Variants in FARP1 observed in about 807,000 individuals in gnomAD.
FARP1 encodes the protein FERM, ARHGEF and pleckstrin domain-containing protein 1.
A neutral mutation model predicts 128.8 loss-of-function variants in FARP1; 52 were observed. The observed-to-expected ratio is 0.40, with a 90% CI of 0.32 to 0.51. The LOEUF is 0.51. Among genes scored for constraint, FARP1 ranks in the 20% least tolerant of loss-of-function variants. The probability of loss-of-function intolerance (pLI) is 0.45; values close to 1 mark genes in which losing one functional copy is unlikely to be tolerated. For missense variants in FARP1, 1,333 were observed against 1,367.9 expected (o/e 0.97, Z 0.40); for synonymous variants, 580 against 551.8 (o/e 1.05, Z -0.72).
chr13:98,318,007 C>T (rs1382050647), intron 2 of FARP1, among the ~76,000 whole-genome samples: 1 of 149,378 alleles, frequency 6.7e-6, no homozygotes, highest in Non-Finnish European at 1.5e-5. Context: ...TCCTCCTCCT[C>T]CCTCTTCATC....
At chr13:98,264,387 G>A (rs1884006401) in intron 2 of FARP1, among the ~76,000 whole-genome samples, 1 of 152,166 alleles carries the variant, frequency 6.6e-6, no homozygotes, top group Non-Finnish European at 1.5e-5. Context: ...ATCTCACTTC[G>A]TCCCGCCAGG....
chr13:98,445,637 G>A (rs189159886), intron 24 of FARP1: 163 of 154,168 alleles, frequency 1.1e-3, no homozygotes, highest in Non-Finnish European at 1.9e-3. Flanking sequence ...TTCAGCTTCC[G>A]CCTGCTGGCA....
intron 2 of FARP1, among the ~76,000 whole-genome samples, chr13:98,330,928 G>A (rs1887482095): frequency 6.6e-6 from 1 of 152,170 alleles, no homozygotes; most frequent in South Asian, 2.1e-4. Flanking sequence ...CAGAGGACAT[G>A]AGTGCTTAGA....
intron 3 of FARP1, among the ~76,000 whole-genome samples, chr13:98,350,875 A>G (rs868357015): frequency 4.6e-5 from 7 of 151,526 alleles, no homozygotes; most frequent in Admixed American, 3.3e-4. Context: ...TGGTTCTGAC[A>G]CTCCAGGAGG....
intron 3 of FARP1, among the ~76,000 whole-genome samples, chr13:98,348,991 G>A (rs563074378): frequency 1.3e-5 from 2 of 152,202 alleles, no homozygotes; most frequent in African/African-American, 4.8e-5. Context: ...TCTGTATGTC[G>A]CATGTGGCTG....
Position 98,416,212 on chromosome 13 carries a change from C to T in FARP1, c.1826+4178C>T, listed in dbSNP as rs150272902. Among the ~76,000 whole-genome samples, 1,284 of 152,246 alleles carry T rather than the reference C, an allele frequency of 8.4e-3. 7 individuals carry two copies. Among genetic ancestry groups the T allele is most frequent in the Middle Eastern group, 0.031 (9 of 294 alleles). ...TTGGTATGTTACATTAACTAAAGTC[C>T]AGATTTTATTCCATGGTAATATTTT... On this transcript the variant is annotated intron_variant, in intron 16 of 26. Coordinates refer to ENST00000319562, the MANE Select transcript of FARP1 (RefSeq NM_005766.4).
At chr13:98,395,176 A>G in intron 12 of FARP1, 51 bp from the exon 13 acceptor site, 2 of 1,530,924 alleles carry the variant, frequency 1.3e-6, no homozygotes, top group Non-Finnish European at 8.8e-7. Context: ...CCTTGGAATA[A>G]CAGTCTCCCT....
At chr13:98,407,516 G>A (rs747452092) in intron 13 of FARP1, 8 of 152,060 alleles carry the variant, frequency 5.3e-5, no homozygotes, top group Admixed American at 1.3e-4. Flanking sequence ...TTTCTCCGGG[G>A]TTTTCTGGGT....
At chr13:98,366,897 C>T (rs1889109699) in intron 4 of FARP1, among the ~76,000 whole-genome samples, 1 of 151,816 alleles carries the variant, frequency 6.6e-6, no homozygotes, top group African/African-American at 2.4e-5. Context: ...TTTTTTTAAA[C>T]TTGAATATGT....
chr13:98,209,853 A>T (rs1480611476), intron 1 of FARP1, among the ~76,000 whole-genome samples: 1 of 133,958 alleles, frequency 7.5e-6, no homozygotes. Flanking sequence ...GTGGTGGTGC[A>T]CGCCTGTAAT....
intron 23 of FARP1, 50 bp downstream of exon 23, chr13:98,440,285 G>T (rs780518756): frequency 2.2e-6 from 3 of 1,375,988 alleles, no homozygotes; most frequent in Non-Finnish European, 3.1e-6. Context: ...GTTCATGGAG[G>T]GACAGCATTT....
chr13:98,435,637 G>T lies in FARP1; in HGVS notation c.2205G>T (p.Glu735Asp), dbSNP rs766950893. 2 of 1,614,020 alleles carry T rather than the reference G, an allele frequency of 1.2e-6. No homozygotes were observed. The highest frequency in any genetic ancestry group is 8.5e-7 in the Non-Finnish European group (1 of 1,180,030). ...AQLHGTMIKM[E>D]NFQKLHELKK... ...TCCACGGTACGATGATCAAGATGGAGAATTTCCAGAAGCTGCACGAACTCA... is the reference window on the plus strand; with the variant it reads ...TCCACGGTACGATGATCAAGATGGATAATTTCCAGAAGCTGCACGAACTCA... The change falls in exon 19 of 27, where the codon GAG becomes GAT. Residue 735 changes from glutamate (E) to aspartate (D), a missense_variant. Physicochemically the swap from Glu to Asp is conservative, Grantham distance 45 (BLOSUM62 2). This residue lies in a region of FARP1 where 1,009 missense variants were observed against 969.8 expected (regional missense o/e 1.04). Coordinates refer to ENST00000319562, the MANE Select transcript of FARP1 (RefSeq NM_005766.4).
rs538766595 is a variant in FARP1, at chr13:98,148,380, AG to A, written c.-24+4889del. Among the ~76,000 whole-genome samples the A allele has an allele frequency of 2.2e-3, 333 of 152,382 alleles. 4 individuals carry two copies. The highest frequency in any genetic ancestry group is 6.7e-3 in the African/African-American group (277 of 41,594). On this transcript the variant is annotated intron_variant, in intron 1 of 26. Coordinates refer to ENST00000319562, the MANE Select transcript of FARP1 (RefSeq NM_005766.4). ...GCAACAAAAGTGAAACTCCGTTTCA[AG>A]AAAACACAAGACAATAAAAGCATGA...
intron 4 of FARP1, 148 bp downstream of exon 4, chr13:98,365,585 A>G (rs1889048551): frequency 3.8e-6 from 2 of 531,200 alleles, no homozygotes; most frequent in South Asian, 3.7e-5. Flanking sequence ...TAATCCGTGT[A>G]CTATTAAAAT....
intron 11 of FARP1, among the ~76,000 whole-genome samples, chr13:98,392,322 C>CA (rs1890337152): frequency 1.1e-5 from 1 of 88,310 alleles, no homozygotes; most frequent in African/African-American, 5.9e-5. Flanking sequence ...TCATCTCTAC[C>CA]CAAAAAAAAA....
intron 3 of FARP1, among the ~76,000 whole-genome samples, chr13:98,353,009 A>C (rs1224343369): frequency 6.6e-6 from 1 of 152,130 alleles, no homozygotes; most frequent in African/African-American, 2.4e-5. Flanking sequence ...GTTTAGTCTT[A>C]AGACTATAAA....
At chr13:98,378,414 A>G (rs1297892723) in intron 6 of FARP1, among the ~76,000 whole-genome samples, 1 of 152,214 alleles carries the variant, frequency 6.6e-6, no homozygotes, top group Non-Finnish European at 1.5e-5. Flanking sequence ...AATATAGACA[A>G]AGGATGAATC....
chr13:98,395,299 A>G lies in FARP1; in HGVS notation c.1237A>G (p.Lys413Glu), dbSNP rs373255291. The change falls in exon 13 of 27, where the codon AAG (lysine) becomes GAG (glutamate). Residue 413 changes from lysine (K) to glutamate (E), a missense_variant. Physicochemically the swap from Lys to Glu is moderately conservative, Grantham distance 56. Around this residue, in one of 2 missense-constraint regions of FARP1, gnomAD observed 1,009 missense variants for 969.8 expected, o/e 1.04. Coordinates refer to ENST00000319562, the MANE Select transcript of FARP1 (RefSeq NM_005766.4). The stretch of plus-strand genomic sequence containing the variant: ...AGGGGGCCAGAGCTGCCGGCGAGGA[A>G]AGGAACCGAAGGTTTCCGCCGGGGA... ...SPGGQSCRRG[K>E]EPKVSAGEPG... is the part of the protein sequence containing the mutation. 6.2e-7 allele frequency: 1 copy of G among 1,609,540 alleles called. No homozygotes were observed. The highest frequency in any genetic ancestry group is 8.5e-7 in the Non-Finnish European group (1 of 1,176,714).
At chr13:98,298,785 G>A (rs1410788775) in intron 2 of FARP1, among the ~76,000 whole-genome samples, 4 of 152,158 alleles carry the variant, frequency 2.6e-5, no homozygotes, top group African/African-American at 4.8e-5. Context: ...CCTTGGTTGT[G>A]TAATAATGTA....
Sources: allele counts gnomAD v4.1 joint callset (sites outside exome capture counted in the v4.1 genomes callset), GRCh38; gene constraint gnomAD v4.1.1; regional missense constraint gnomAD v4.1.1; transcripts MANE v1.5; gene names NCBI Gene and HGNC (gene_info 2026-07-23, HGNC 2026-07-21).